The following FNDC3A variants were observed in gnomAD, a reference collection of about 807,000 sequenced individuals.
FNDC3A encodes the protein fibronectin type-III domain-containing protein 3A.
FNDC3A carries 32 observed loss-of-function variants against 148.9 expected under a neutral mutation model. The ratio of observed to expected loss-of-function variants is 0.21; its 90% confidence interval spans 0.16 to 0.29. The LOEUF is 0.29. Among genes scored for constraint, FNDC3A ranks in the 10% least tolerant of loss-of-function variants. The probability of loss-of-function intolerance (pLI) is 1.00; values close to 1 mark genes in which losing one functional copy is unlikely to be tolerated. For synonymous variants in FNDC3A, 472 were observed against 473.6 expected (o/e 1.00, Z 0.04); for missense variants, 1,191 against 1,452.8 (o/e 0.82, Z 2.93).
In FNDC3A at chr13:49,131,278, C is replaced by G. The variant is rs368383893; in HGVS notation, c.394C>G (p.Pro132Ala). 6.2e-7 allele frequency: 1 copy of G among 1,614,026 alleles called. No individual in the cohort carries two copies. Among genetic ancestry groups the G allele is most frequent in the Non-Finnish European group, 8.5e-7 (1 of 1,179,980 alleles). ...TCCTGTCCCAACTATGATGCCGCCT[C>G]CACCACGTCATATGTACTCACCCGT... ...FIPVPTMMPP[P>A]PRHMYSPVTG... Residue 132 changes from proline (P) to alanine (A), a missense_variant, in exon 5 of 26, where the codon CCA becomes GCA. Coordinates refer to ENST00000492622, the MANE Select transcript of FNDC3A (RefSeq NM_001079673.2).
At chr13:49,099,960 C>A (rs188943825) in intron 3 of FNDC3A, among the ~76,000 whole-genome samples, 5 of 151,698 alleles carry the variant, frequency 3.3e-5, no homozygotes, top group Admixed American at 3.3e-4. Context: ...AGTTTATAAA[C>A]CATAAAATAC....
chr13:49,178,817 C>T (rs113541015), intron 14 of FNDC3A, among the ~76,000 whole-genome samples, 163 bp downstream of exon 14: 2 of 152,238 alleles, frequency 1.3e-5, no homozygotes, highest in Non-Finnish European at 2.9e-5. Context: ...ACTGCAGCCA[C>T]AACCTCCTGG....
At chr13:49,062,408 C>T (rs1007958833) in intron 2 of FNDC3A, among the ~76,000 whole-genome samples, 1 of 152,120 alleles carries the variant, frequency 6.6e-6, no homozygotes, top group African/African-American at 2.4e-5. Context: ...AACTCTTTAG[C>T]CTACTAGTTA....
intron 2 of FNDC3A, among the ~76,000 whole-genome samples, chr13:49,052,745 C>T (rs776619696): frequency 4.7e-4 from 71 of 152,228 alleles, no homozygotes; most frequent in Non-Finnish European, 9.4e-4. Flanking sequence ...GTTAAGTTTT[C>T]AGGTGTCTCA....
chr13:49,073,713 G>GTATATATA (rs1338679182), intron 2 of FNDC3A, among the ~76,000 whole-genome samples: 1 of 141,594 alleles, frequency 7.1e-6, no homozygotes, highest in African/African-American at 2.7e-5. Flanking sequence ...TAATATATAT[G>GTATATATA]TGTATATATA....
rs577851433 is a variant in FNDC3A at position 49,171,926 on chromosome 13, A to G, written c.1177-117A>G. On this transcript the variant is annotated intron_variant, in intron 10 of 25. Coordinates refer to ENST00000492622, the MANE Select transcript of FNDC3A (RefSeq NM_001079673.2). ...TTTGTATTTTTATGAACATTTTCGCAGGACCAAGTCACAGAAAACATCTGC... is the reference window on the plus strand; with the variant it reads ...TTTGTATTTTTATGAACATTTTCGCGGGACCAAGTCACAGAAAACATCTGC... The G allele has an allele frequency of 4.9e-5, 33 of 670,210 alleles. No homozygotes were observed. In the East Asian group the frequency reaches 8.2e-4, roughly 17 times the overall value. 41.5% of individuals were successfully genotyped at this position (670,210 alleles called of 1,614,324 possible).
At chr13:48,980,075 A>T (rs1225566869) in intron 1 of FNDC3A, among the ~76,000 whole-genome samples, 1 of 152,194 alleles carries the variant, frequency 6.6e-6, no homozygotes, top group African/African-American at 2.4e-5. Flanking sequence ...TCCTAAAAAA[A>T]AAGTATGTAG....
chr13:49,017,101 G>C (rs911908589), intron 2 of FNDC3A, among the ~76,000 whole-genome samples: 2 of 152,162 alleles, frequency 1.3e-5, no homozygotes, highest in African/African-American at 4.8e-5. Flanking sequence ...GGAGAGTTCT[G>C]CAGATGTCTA....
chr13:48,979,355 G>A (rs529386977), intron 1 of FNDC3A, among the ~76,000 whole-genome samples: 23 of 152,202 alleles, frequency 1.5e-4, no homozygotes, highest in Non-Finnish European at 2.8e-4. Context: ...TTAAAGGGAA[G>A]TGAAGCCAGT....
intron 2 of FNDC3A, among the ~76,000 whole-genome samples, chr13:49,026,480 T>C (rs1368308556): frequency 6.6e-6 from 1 of 152,196 alleles, no homozygotes; most frequent in Non-Finnish European, 1.5e-5. Flanking sequence ...GGGTAGTTGC[T>C]AAGAGGTTTT....
At chr13:49,144,466 G>A (rs1488931568) in intron 7 of FNDC3A, among the ~76,000 whole-genome samples, 1 of 152,110 alleles carries the variant, frequency 6.6e-6, no homozygotes, top group African/African-American at 2.4e-5. Flanking sequence ...TTCAAGATAG[G>A]AGTAATTGTC....
intron 2 of FNDC3A, among the ~76,000 whole-genome samples, chr13:49,039,994 G>A (rs1446661348): frequency 2.0e-5 from 3 of 152,210 alleles, no homozygotes; most frequent in Admixed American, 1.3e-4. Context: ...GATTACAGGC[G>A]TGAGCCACCG....
chr13:49,160,881 A>G (rs936320002), intron 8 of FNDC3A, among the ~76,000 whole-genome samples: 1 of 152,048 alleles, frequency 6.6e-6, no homozygotes, highest in African/African-American at 2.4e-5. Context: ...TTATGTACCC[A>G]GTAGTCATTC....
intron 3 of FNDC3A, among the ~76,000 whole-genome samples, chr13:49,090,459 CAG>C (rs1879112389): frequency 6.6e-6 from 1 of 152,138 alleles, no homozygotes; most frequent in South Asian, 2.1e-4. Context: ...GGAGATTGCA[CAG>C]ATCGGGGGTC....
At chr13:49,074,926 TCTAC>T (rs926416501) in intron 2 of FNDC3A, among the ~76,000 whole-genome samples, 18 of 152,206 alleles carry the variant, frequency 1.2e-4, no homozygotes, top group Admixed American at 2.0e-4. Flanking sequence ...CAACTCATGC[TCTAC>T]CTATCAGTTT....
intron 14 of FNDC3A, among the ~76,000 whole-genome samples, chr13:49,181,035 C>T (rs762678669): frequency 4.6e-5 from 7 of 152,110 alleles, no homozygotes; most frequent in African/African-American, 7.2e-5. Flanking sequence ...GAGCTATGAT[C>T]GTGTCACTGC....
chr13:49,058,079 C>T (rs1876384852), intron 2 of FNDC3A, among the ~76,000 whole-genome samples: 1 of 152,108 alleles, frequency 6.6e-6, no homozygotes, highest in African/African-American at 2.4e-5. Flanking sequence ...AAGCCACAGA[C>T]AAACCCCTCA....
In FNDC3A at chr13:49,203,260, G is replaced by A; in HGVS notation, c.3258G>A (p.Leu1086=). The A allele has an allele frequency of 6.2e-7, 1 of 1,608,214 alleles. No homozygotes were observed. Among genetic ancestry groups the A allele is most frequent in the Non-Finnish European group, 8.5e-7 (1 of 1,175,310 alleles). ...DPVIYSLQVM[L]GKDSEFKQIY... ...TTATTTACAGTCTTCAAGTTATGTT[G>A]GGAAAAGATTCAGAATTCAAACAGG... Residue 1086 remains leucine (L), a synonymous_variant, in exon 25 of 26, where the codon TTG becomes TTA. Coordinates refer to ENST00000492622, the MANE Select transcript of FNDC3A (RefSeq NM_001079673.2).
chr13:49,197,253 CA>C (rs1314729250), intron 20 of FNDC3A, among the ~76,000 whole-genome samples: 1 of 152,128 alleles, frequency 6.6e-6, no homozygotes, highest in Admixed American at 6.6e-5. Context: ...ATATTTCAGC[CA>C]CTGTAAGTTT....
Sources: allele counts gnomAD v4.1 joint callset (sites outside exome capture counted in the v4.1 genomes callset), GRCh38; gene constraint gnomAD v4.1.1; transcripts MANE v1.5; gene names NCBI Gene and HGNC (gene_info 2026-07-23, HGNC 2026-07-21).